PKD1L1: variants seen among roughly 807,000 people sequenced by gnomAD.
PKD1L1 encodes the protein polycystin 1 like 1, transient receptor potential channel interacting.
Under a neutral mutation model 323.4 loss-of-function variants are expected in PKD1L1, and 236 were observed. The ratio of observed to expected loss-of-function variants is 0.73; its 90% CI spans 0.66 to 0.81. The LOEUF is 0.81. Ranked by LOEUF, PKD1L1 falls within the 40% of genes least tolerant of loss-of-function variation. The pLI is 0.00. For synonymous variants in PKD1L1, 1,344 were observed against 1,335.0 expected, an observed-to-expected ratio of 1.01 and a Z score of -0.15; for missense variants, 3,320 against 3,508.0, an observed-to-expected ratio of 0.95 and a Z score of 1.35.
At chr7:47,866,636 T>C (rs770544184) in intron 24 of PKD1L1, 22 bp from the exon 25 acceptor site, 33 of 1,566,936 alleles carry the variant, frequency 2.1e-5, no homozygotes, top group Non-Finnish European at 2.9e-5. Flanking sequence ...ACAAGAGTTA[T>C]CATTACTGTT....
the PKD1L1 span, among the ~76,000 whole-genome samples, chr7:47,956,267 TG>T: frequency 5.3e-5 from 8 of 152,144 alleles, no homozygotes; most frequent in Non-Finnish European, 5.9e-5. Flanking sequence ...GTTTCTACAG[TG>T]GGAAAAGAGA....
At chr7:47,933,714 A>C (rs1787815515) in intron 4 of PKD1L1, among the ~76,000 whole-genome samples, 1 of 152,162 alleles carries the variant, frequency 6.6e-6, no homozygotes, top group South Asian at 2.1e-4. Flanking sequence ...TCTGCCAACA[A>C]GGAGAAGATA....
chr7:47,822,074 A>G (rs887207055), intron 45 of PKD1L1, among the ~76,000 whole-genome samples: 2 of 152,150 alleles, frequency 1.3e-5, no homozygotes, highest in African/African-American at 4.8e-5. Flanking sequence ...ATATTTGGGT[A>G]AGTCTATTCC....
intron 37 of PKD1L1, among the ~76,000 whole-genome samples, chr7:47,836,260 C>T (rs991928484): frequency 3.9e-5 from 6 of 152,180 alleles, no homozygotes; most frequent in Non-Finnish European, 1.5e-5. Context: ...GGGTCGCTGA[C>T]CCCCACCTCG....
At chr7:47,926,061 G>A (rs559062225) in intron 7 of PKD1L1, among the ~76,000 whole-genome samples, 2 of 152,326 alleles carry the variant, frequency 1.3e-5, no homozygotes, top group African/African-American at 4.8e-5. Flanking sequence ...AGGAGTTCAG[G>A]GAAAAATTTA....
chr7:47,943,093 C>G (rs539502482), intron 2 of PKD1L1, among the ~76,000 whole-genome samples: 2 of 145,720 alleles, frequency 1.4e-5, no homozygotes, highest in South Asian at 4.4e-4. Context: ...TTGCAGTGAG[C>G]CAAGATCATG....
chr7:47,848,030 A>G (rs751196466), intron 31 of PKD1L1, among the ~76,000 whole-genome samples: 1 of 152,260 alleles, frequency 6.6e-6, no homozygotes, highest in Non-Finnish European at 1.5e-5. Context: ...TAATTCATAT[A>G]AAATGCATAT....
At chr7:47,958,019 G>A in the PKD1L1 span, among the ~76,000 whole-genome samples, 6 of 151,814 alleles carry the variant, frequency 4.0e-5, no homozygotes, top group East Asian at 5.8e-4. Context: ...TGTTCATACC[G>A]TCCAAAGCAA....
At chr7:47,819,452 G>A (rs762442832) in intron 46 of PKD1L1, 2 of 1,050,660 alleles carry the variant, frequency 1.9e-6, no homozygotes, top group Non-Finnish European at 2.5e-6. Flanking sequence ...GGTTTTTCAT[G>A]TTTAGATTTC....
chr7:47,831,373 G>A lies in PKD1L1; in HGVS notation c.6338-21C>T, dbSNP rs377246686. On this transcript the variant is annotated intron_variant, in intron 41 of 56. Transcript: ENST00000289672. The stretch of plus-strand genomic sequence containing the variant: ...GGGTGCTGCGGAAGAGTAGGACAGA[G>A]ACAAGGCAGCTTAAGAGACCTCGGC... 1.9e-6 allele frequency: 3 copies of A among 1,597,682 alleles called. No individual in the cohort carries two copies. In the African/African-American group the frequency reaches 4.0e-5, roughly 22 times the overall value.
At chr7:47,819,710 T>G (rs1785100927) in intron 46 of PKD1L1, 1 of 542,504 alleles carries the variant, frequency 1.8e-6, no homozygotes, top group Non-Finnish European at 3.0e-6. Context: ...CACTGGGACT[T>G]CCAGGTCTTA....
upstream of PKD1L1, among the ~76,000 whole-genome samples, chr7:47,952,272 T>C (rs1324100064): frequency 6.6e-6 from 1 of 152,206 alleles, no homozygotes; most frequent in Non-Finnish European, 1.5e-5. Context: ...CAGAGCAGGC[T>C]GCACCAAGGA....
intron 55 of PKD1L1, chr7:47,795,161 C>T (rs1784491722): frequency 3.5e-6 from 1 of 286,404 alleles, no homozygotes; most frequent in South Asian, 2.9e-5. Flanking sequence ...GGGCCAGGAG[C>T]AGAATGATAT....
chr7:47,830,950 G>A lies in PKD1L1; in HGVS notation c.6473+267C>T, dbSNP rs147587966. Among the ~76,000 whole-genome samples, 583 of 152,280 alleles carry A rather than the reference G, an allele frequency of 3.8e-3. 1 individual carries two copies. Among genetic ancestry groups the A allele is most frequent in the Middle Eastern group, 0.01 (3 of 294 alleles). On this transcript the variant is annotated intron_variant, in intron 42 of 56. Transcript: ENST00000289672. ...TGCAGCTGGGTTCCTTCCTTCCTTG[G>A]GTGGGCGTCCTGCAGCTTCTTGTTT...
Position 47,808,288 on chromosome 7 carries a change from G to A in PKD1L1, c.7786C>T (p.Arg2596Ter), listed in dbSNP as rs148706300. ...ATAAGGGTGAGGTCCATAAATGCTC[G>A]GCAAAGTCCTCTGTGAAACTGGTTA... Reference protein sequence around the residue: ...VTNQFHRGLCRAFMDLTLMAS... With the variant: ...VTNQFHRGLC Residue 2596 changes from arginine (R) to a stop codon, truncating the protein, a stop_gained, in exon 52 of 57, where the codon CGA becomes TGA. Coordinates refer to ENST00000289672, the MANE Select transcript of PKD1L1 (RefSeq NM_138295.5). LOFTEE classifies it high-confidence loss of function. 18 of 1,613,948 alleles carry A rather than the reference G, an allele frequency of 1.1e-5. No individual in the cohort carries two copies. Among genetic ancestry groups the A allele is most frequent in the East Asian group, 6.7e-5 (3 of 44,892 alleles).
the PKD1L1 span, among the ~76,000 whole-genome samples, chr7:47,959,956 A>C: frequency 3.3e-5 from 5 of 152,188 alleles, no homozygotes; most frequent in Admixed American, 2.0e-4. Flanking sequence ...AGGATTGAGA[A>C]ATCGGATGGT....
At chr7:47,810,454 C>T (rs1309520985) in intron 50 of PKD1L1, among the ~76,000 whole-genome samples, 1 of 152,160 alleles carries the variant, frequency 6.6e-6, no homozygotes, top group African/African-American at 2.4e-5. Flanking sequence ...ATTTGTGGTG[C>T]CCCTTAAATT....
chr7:47,858,825 G>C lies in PKD1L1; in HGVS notation c.4210C>G (p.Gln1404Glu). The C allele has an allele frequency of 6.2e-7, 1 of 1,614,090 alleles. No individual in the cohort carries two copies. Among genetic ancestry groups the C allele is most frequent in the Non-Finnish European group, 8.5e-7 (1 of 1,180,002 alleles). Residue 1404 changes from glutamine to glutamate, a missense_variant, in exon 27 of 57, where the codon CAG becomes GAG. Gln to Glu is a conservative substitution (Grantham distance 29). Coordinates refer to ENST00000289672, the MANE Select transcript of PKD1L1 (RefSeq NM_138295.5). ...TCAATCACAAATGGCCCCGAGAACT[G>C]GCCTTGAGCAAGGAGTGCCCGGGTG... ...KYTRALLAQG[Q>E]FSGPFVIDKG...
At position 47,811,985 on chromosome 7, in the gene PKD1L1, A is replaced by T; in HGVS notation, c.7413T>A (p.Ala2471=). The T allele has an allele frequency of 1.3e-6, 2 of 1,594,626 alleles. No individual in the cohort carries two copies. The highest frequency in any genetic ancestry group is 1.7e-6 in the Non-Finnish European group (2 of 1,170,594). The change falls in exon 50 of 57, where the codon GCT becomes GCA. Residue 2471 remains alanine, a synonymous_variant. Transcript: ENST00000289672. The part of the protein sequence containing the change: ...ASMWIDRSTR[A]VSVHFTLYNP... Reference sequence around the variant, plus strand: ...TATAGAGAGTGAAGTGCACAGACACAGCCCTGGTGCTGCGGTCAATCCACA... The same window carrying T: ...TATAGAGAGTGAAGTGCACAGACACTGCCCTGGTGCTGCGGTCAATCCACA...
Sources: allele counts gnomAD v4.1 joint callset (sites outside exome capture counted in the v4.1 genomes callset), GRCh38; gene constraint gnomAD v4.1.1; transcripts MANE v1.5; gene names NCBI Gene and HGNC (gene_info 2026-07-23, HGNC 2026-07-21).